Variants in ZFHX3 observed in about 807,000 individuals in gnomAD.
The protein encoded by ZFHX3 is zinc finger homeobox 3, also known as zinc finger homeobox protein 3.
ZFHX3 carries 42 observed loss-of-function variants against 279.1 expected under a neutral mutation model. The observed-to-expected ratio is 0.15, with a 90% CI of 0.12 to 0.19. The LOEUF is 0.19. ZFHX3 is among the 10% of genes least tolerant of loss of function. The pLI, the probability that ZFHX3 is intolerant of heterozygous loss-of-function variation, is 1.00. For synonymous variants in ZFHX3, 2,293 were observed against 1,957.8 expected, an observed-to-expected ratio of 1.17 and a Z score of -4.52; for missense variants, 4,981 against 4,754.0, an observed-to-expected ratio of 1.05 and a Z score of -1.40.
At chr16:73,386,465 G>C (rs1597311948) in intron 3 of ZFHX3, among the ~76,000 whole-genome samples, 2 of 152,156 alleles carry the variant, frequency 1.3e-5, no homozygotes, top group East Asian at 3.9e-4. Flanking sequence ...ATGAGATAAG[G>C]CATATAGTGG....
rs756844786 is a variant in ZFHX3, at chr16:72,958,607, G to A, written c.1539C>T (p.Ala513=). 21 of 1,613,952 alleles carry A rather than the reference G, an allele frequency of 1.3e-5. No homozygotes were observed. The highest frequency in any genetic ancestry group is 8.9e-5 in the East Asian group (4 of 44,878). ...LEDRPHEEPG[A]AAGSSSKKDL... ...CCTTTTTGCTGCTACTACCTGCTGC[G>A]GCCCCAGGCTCCTCATGGGGCCTGT... Residue 513 remains alanine, a synonymous_variant, in exon 2 of 10, where the codon GCC becomes GCT. Transcript: ENST00000268489.
At chr16:73,316,108 C>T (rs761281451) in intron 4 of ZFHX3, among the ~76,000 whole-genome samples, 4 of 152,152 alleles carry the variant, frequency 2.6e-5, no homozygotes, top group Non-Finnish European at 4.4e-5. Flanking sequence ...AAGGTGATAC[C>T]ACAGGAAAAA....
intron 2 of ZFHX3, among the ~76,000 whole-genome samples, chr16:73,496,095 C>T (rs1176262654): frequency 1.3e-5 from 2 of 152,174 alleles, no homozygotes; most frequent in Non-Finnish European, 2.9e-5. Flanking sequence ...ACTGAGATAG[C>T]CTATAAATCC....
chr16:73,492,902 T>G (rs1460370252), intron 2 of ZFHX3, among the ~76,000 whole-genome samples: 1 of 152,188 alleles, frequency 6.6e-6, no homozygotes, highest in Non-Finnish European at 1.5e-5. Context: ...TATTTCTCAC[T>G]GTAACCACTG....
At chr16:72,818,813 T>C (rs185019465) in intron 5 of ZFHX3, among the ~76,000 whole-genome samples, 2 of 152,310 alleles carry the variant, frequency 1.3e-5, no homozygotes, top group African/African-American at 4.8e-5. Flanking sequence ...CGTATATCCC[T>C]AGAAAACACC....
intron 3 of ZFHX3, among the ~76,000 whole-genome samples, chr16:72,894,289 T>C (rs2038843127): frequency 6.6e-6 from 1 of 152,156 alleles, no homozygotes; most frequent in Non-Finnish European, 1.5e-5. Context: ...TCTCCCCAGA[T>C]TTTCCAAGTG....
chr16:73,556,306 C>G (rs762547874), intron 2 of ZFHX3, among the ~76,000 whole-genome samples: 4 of 151,746 alleles, frequency 2.6e-5, no homozygotes, highest in Non-Finnish European at 5.9e-5. Context: ...AAGGAGAGAA[C>G]GAAAGGAGTG....
chr16:73,683,699 A>T (rs993118909), intron 1 of ZFHX3, among the ~76,000 whole-genome samples: 1 of 152,030 alleles, frequency 6.6e-6, no homozygotes, highest in Non-Finnish European at 1.5e-5. Context: ...CAGGGATTTT[A>T]GGTGACCCAT....
intron 2 of ZFHX3, among the ~76,000 whole-genome samples, chr16:73,601,501 A>T (rs1444136537): frequency 6.6e-6 from 1 of 151,382 alleles, no homozygotes; most frequent in Non-Finnish European, 1.5e-5. Flanking sequence ...TTGGCGCTCT[A>T]TTTTAACTCA....
At position 73,372,663 on chromosome 16, in the gene ZFHX3, C is replaced by T. The variant is rs2016652207; in HGVS notation, c.-1290-54327G>A. 2.0e-5 allele frequency among the ~76,000 whole-genome samples: 3 copies of T among 152,298 alleles called. No individual in the cohort carries two copies. In the South Asian group the frequency reaches 6.2e-4, roughly 32 times the overall value. ...TTTCAGCGATGATTTTCTCTGGCTGCTCAGAATAACCATGGCCAAGATGGC... is the reference window on the plus strand; with the variant it reads ...TTTCAGCGATGATTTTCTCTGGCTGTTCAGAATAACCATGGCCAAGATGGC... On this transcript the variant is annotated intron_variant, in intron 3 of 17. Coordinates refer to the ZFHX3 transcript ENST00000641206.
chr16:73,541,389 G>A (rs1210604727), intron 2 of ZFHX3, among the ~76,000 whole-genome samples: 2 of 152,082 alleles, frequency 1.3e-5, no homozygotes, highest in Non-Finnish European at 2.9e-5. Context: ...AAGAGGCTAA[G>A]GTGGCAGGAT....
chr16:73,741,355 G>A (rs1014462889), intron 1 of ZFHX3, among the ~76,000 whole-genome samples: 1 of 152,182 alleles, frequency 6.6e-6, no homozygotes, highest in African/African-American at 2.4e-5. Context: ...AAGACGTGAA[G>A]TCTCTTGAGT....
At chr16:73,084,272 G>A (rs1377839509) in intron 8 of ZFHX3, among the ~76,000 whole-genome samples, 1 of 152,126 alleles carries the variant, frequency 6.6e-6, no homozygotes, top group East Asian at 1.9e-4. Flanking sequence ...GAAATAAAGT[G>A]CATCCAAACT....
At chr16:73,681,165 A>G (rs1360742280) in intron 1 of ZFHX3, among the ~76,000 whole-genome samples, 1 of 152,246 alleles carries the variant, frequency 6.6e-6, no homozygotes, top group African/African-American at 2.4e-5. Flanking sequence ...GGTTGCATGC[A>G]TAAGCATCTT....
At chr16:73,703,290 T>C (rs1044225128) in intron 1 of ZFHX3, among the ~76,000 whole-genome samples, 9 of 152,088 alleles carry the variant, frequency 5.9e-5, no homozygotes, top group African/African-American at 1.4e-4. Flanking sequence ...AAATGAGGTA[T>C]GTCTCATTAT....
At chr16:73,493,955 T>C (rs1260203764) in intron 2 of ZFHX3, among the ~76,000 whole-genome samples, 3 of 152,140 alleles carry the variant, frequency 2.0e-5, no homozygotes, top group Non-Finnish European at 4.4e-5. Flanking sequence ...CATGTGGCTT[T>C]TGAAATGGCC....
At chr16:73,035,889 G>T (rs1964882921) in intron 1 of ZFHX3, among the ~76,000 whole-genome samples, 1 of 152,210 alleles carries the variant, frequency 6.6e-6, no homozygotes, top group Non-Finnish European at 1.5e-5. Context: ...GGGAGACAGA[G>T]TGAGACCCTG....
At chr16:73,384,483 G>A (rs2016866052) in intron 3 of ZFHX3, among the ~76,000 whole-genome samples, 1 of 152,218 alleles carries the variant, frequency 6.6e-6, no homozygotes, top group Non-Finnish European at 1.5e-5. Context: ...TGCGAAGCAA[G>A]GTTTTAGGCA....
chr16:73,341,415 A>T (rs2016031866), intron 3 of ZFHX3, among the ~76,000 whole-genome samples: 1 of 152,216 alleles, frequency 6.6e-6, no homozygotes, highest in African/African-American at 2.4e-5. Flanking sequence ...ATGATTCCAA[A>T]AAAGATACAT....
Sources: gnomAD v4.1 joint callset for allele counts (sites outside exome capture counted in the v4.1 genomes callset) on GRCh38, gnomAD v4.1.1 for gene constraint, MANE v1.5 for transcripts, NCBI Gene and HGNC (gene_info 2026-07-23, HGNC 2026-07-21) for gene names.